SCEL: variants seen among roughly 807,000 people sequenced by gnomAD.
The protein encoded by SCEL is sciellin.
A neutral mutation model predicts 117.6 loss-of-function variants in SCEL; 113 were observed. The ratio of observed to expected loss-of-function variants is 0.96; its 90% CI spans 0.83 to 1.12. SCEL has a LOEUF of 1.12. Among genes scored for constraint, SCEL ranks in the 50% most tolerant of loss-of-function variants. SCEL has a pLI of 0.00. For missense variants in SCEL, 785 were observed against 810.8 expected, an observed-to-expected ratio of 0.97 and a Z score of 0.39; for synonymous variants, 270 against 256.2, an observed-to-expected ratio of 1.05 and a Z score of -0.51.
intron 11 of SCEL, among the ~76,000 whole-genome samples, chr13:77,593,152 G>GT (rs2086973490): frequency 6.6e-6 from 1 of 151,946 alleles, no homozygotes; most frequent in South Asian, 2.1e-4. Flanking sequence ...TGTCCTTTTT[G>GT]TAACATAGAA....
chr13:77,545,766 T>C (rs1019320015), intron 1 of SCEL, among the ~76,000 whole-genome samples: 1 of 152,218 alleles, frequency 6.6e-6, no homozygotes, highest in Non-Finnish European at 1.5e-5. Flanking sequence ...TGGAAGAGGT[T>C]GTGTGAAAGA....
intron 28 of SCEL, among the ~76,000 whole-genome samples, chr13:77,631,439 GA>G (rs1195776307): frequency 4.6e-5 from 7 of 152,244 alleles, no homozygotes; most frequent in African/African-American, 1.7e-4. Flanking sequence ...TTCTGAAGCA[GA>G]AAAAAGTCAC....
intron 29 of SCEL, among the ~76,000 whole-genome samples, chr13:77,634,756 T>C (rs1001435497): frequency 6.6e-6 from 1 of 152,210 alleles, no homozygotes; most frequent in Non-Finnish European, 1.5e-5. Context: ...ATAAGCTTTA[T>C]AAAATGCACA....
chr13:77,559,692 A>G (rs1248958290), intron 3 of SCEL, 112 bp from the exon 4 acceptor site: 2 of 784,238 alleles, frequency 2.6e-6, no homozygotes, highest in Non-Finnish European at 4.3e-6. Context: ...CTGAAGTAAA[A>G]TGAATTAACC....
At chr13:77,581,419 G>A (rs2086254744) in intron 9 of SCEL, among the ~76,000 whole-genome samples, 1 of 152,216 alleles carries the variant, frequency 6.6e-6, no homozygotes, top group African/African-American at 2.4e-5. Context: ...GACAGTCCCT[G>A]ATTTCCTAAC....
Position 77,617,787 on chromosome 13 carries a change from A to G in SCEL, c.1512-16A>G. 6.3e-7 allele frequency: 1 copy of G among 1,597,894 alleles called. No homozygotes were observed. The highest frequency in any genetic ancestry group is 8.6e-7 in the Non-Finnish European group (1 of 1,168,950). On this transcript the variant is annotated splice_polypyrimidine_tract_variant and intron_variant, in intron 25 of 32. Coordinates refer to ENST00000349847, the MANE Select transcript of SCEL (RefSeq NM_144777.3). ...TTCAAAATTAACCTGCTCTCATTTT[A>G]TTTTTTGATTTAAAGAAACCAAGAT...
chr13:77,619,959 T>A (rs2154404119), intron 27 of SCEL, among the ~76,000 whole-genome samples: 1 of 152,322 alleles, frequency 6.6e-6, no homozygotes, highest in East Asian at 1.9e-4. Flanking sequence ...TTTTGTTTTA[T>A]TAGAAGAGGC....
chr13:77,585,283 T>C lies in SCEL; in HGVS notation c.546-3861T>C, dbSNP rs1156591320. Among the ~76,000 whole-genome samples, 3 of 152,098 alleles carry C rather than the reference T, an allele frequency of 2.0e-5. No individual in the cohort carries two copies. In the East Asian group the frequency reaches 5.8e-4, roughly 29 times the overall value. On this transcript the variant is annotated intron_variant, in intron 9 of 32. Transcript: ENST00000349847. The stretch of plus-strand genomic sequence containing the variant: ...GGGTTGTTATGGGGGAATGTAGGGA[T>C]GTATATAGCATGGCTTTGGGTATCA...
intron 4 of SCEL, among the ~76,000 whole-genome samples, chr13:77,560,916 T>C (rs1242852623): frequency 6.6e-6 from 1 of 150,556 alleles, no homozygotes. Flanking sequence ...TTTTGGAAAC[T>C]TTTGTTTATG....
At chr13:77,540,721 G>T (rs1006186901) in intron 1 of SCEL, among the ~76,000 whole-genome samples, 2 of 152,212 alleles carry the variant, frequency 1.3e-5, no homozygotes, top group Non-Finnish European at 2.9e-5. Flanking sequence ...GGGAAGTGGG[G>T]AGTTGGGGGA....
At chr13:77,627,540 T>A (rs2154405162) in intron 27 of SCEL, among the ~76,000 whole-genome samples, 3 of 152,196 alleles carry the variant, frequency 2.0e-5, no homozygotes, top group Admixed American at 2.0e-4. Flanking sequence ...AAGATAAACA[T>A]TTAAGGTGAT....
intron 29 of SCEL, among the ~76,000 whole-genome samples, chr13:77,635,742 T>C (rs1382714439): frequency 6.6e-6 from 1 of 152,210 alleles, no homozygotes; most frequent in Non-Finnish European, 1.5e-5. Flanking sequence ...TATGGTTTAT[T>C]TTTTTAAAAG....
At chr13:77,581,462 C>G (rs1282442457) in intron 9 of SCEL, among the ~76,000 whole-genome samples, 1 of 152,202 alleles carries the variant, frequency 6.6e-6, no homozygotes, top group Non-Finnish European at 1.5e-5. Context: ...ATTTGAACAA[C>G]AAATGCAAAG....
chr13:77,549,356 A>G (rs1429664260), intron 1 of SCEL, among the ~76,000 whole-genome samples: 2 of 152,118 alleles, frequency 1.3e-5, no homozygotes, highest in African/African-American at 2.4e-5. Context: ...GTCTTTATAT[A>G]TAATATATAT....
intron 5 of SCEL, among the ~76,000 whole-genome samples, chr13:77,567,086 T>C (rs2085331701): frequency 6.6e-6 from 1 of 152,096 alleles, no homozygotes; most frequent in Non-Finnish European, 1.5e-5. Flanking sequence ...GATATATCAT[T>C]AGAAAATAAT....
intron 12 of SCEL, among the ~76,000 whole-genome samples, chr13:77,595,836 C>A (rs545268823): frequency 6.6e-6 from 1 of 152,126 alleles, no homozygotes; most frequent in Admixed American, 6.6e-5. Context: ...ACCATTGATA[C>A]CTAAAACTAC....
chr13:77,561,235 G>T (rs2084959886), intron 4 of SCEL, among the ~76,000 whole-genome samples: 1 of 152,172 alleles, frequency 6.6e-6, no homozygotes, highest in Non-Finnish European at 1.5e-5. Flanking sequence ...AAATGCTTGT[G>T]TTTTTTAAGT....
chr13:77,546,491 G>A (rs1359274711), intron 1 of SCEL, among the ~76,000 whole-genome samples: 1 of 152,148 alleles, frequency 6.6e-6, no homozygotes, highest in Non-Finnish European at 1.5e-5. Context: ...AAAACATGTG[G>A]TACAGCCGGT....
chr13:77,565,466 T>C (rs758215202), intron 5 of SCEL, among the ~76,000 whole-genome samples: 13 of 152,188 alleles, frequency 8.5e-5, no homozygotes, highest in Non-Finnish European at 1.6e-4. Context: ...TTTAGTGGTA[T>C]GTTTGGGCAA....
Sources: allele counts gnomAD v4.1 joint callset (sites outside exome capture counted in the v4.1 genomes callset), GRCh38; gene constraint gnomAD v4.1.1; transcripts MANE v1.5; gene names NCBI Gene and HGNC (gene_info 2026-07-23, HGNC 2026-07-21).